Variants in ARHGEF3 observed in about 807,000 individuals in gnomAD.
The protein encoded by ARHGEF3 is 59.8 kDA protein.
In ARHGEF3, 28 loss-of-function variants were observed where a neutral mutation model predicts 63.2. The ratio of observed to expected loss-of-function variants is 0.44; its 90% CI spans 0.33 to 0.61. The LOEUF is 0.61. Ranked by LOEUF, ARHGEF3 falls within the 20% of genes least tolerant of loss-of-function variation. ARHGEF3 has a pLI of 0.03. For missense variants in ARHGEF3, 533 were observed against 659.3 expected (o/e 0.81, Z 2.10); for synonymous variants, 266 against 254.2 (o/e 1.05, Z -0.44).
chr3:56,777,926 C>T (rs2036362403), intron 1 of ARHGEF3, among the ~76,000 whole-genome samples: 1 of 152,166 alleles, frequency 6.6e-6, no homozygotes, highest in Non-Finnish European at 1.5e-5. Context: ...TACTCTTACC[C>T]ATGAGTTGAT....
In ARHGEF3 at chr3:56,751,425, A is replaced by G. The variant is rs900507422; in HGVS notation, c.439-29T>C. ...CACAAAAACGGCAAGAGATGGAAGC[A>G]CATGTTTAAAATCAGAGGAAGTACA... On this transcript the variant is annotated intron_variant, in intron 4 of 9. Transcript: ENST00000296315. 4 of 1,570,804 alleles carry G rather than the reference A, an allele frequency of 2.5e-6. No homozygotes were observed. The African/African-American group carries it at 5.4e-5, about 21-fold the overall frequency.
At chr3:56,771,458 C>T (rs946410097) in intron 2 of ARHGEF3, among the ~76,000 whole-genome samples, 14 of 152,246 alleles carry the variant, frequency 9.2e-5, no homozygotes, top group African/African-American at 2.6e-4. Context: ...TCTTCCTAGG[C>T]CCAGGAGCAC....
intron 3 of ARHGEF3, among the ~76,000 whole-genome samples, chr3:56,934,628 G>A (rs1046711824): frequency 5.3e-5 from 8 of 152,346 alleles, no homozygotes; most frequent in African/African-American, 1.9e-4. Context: ...TGCGGAGGGT[G>A]TACTGGGTCC....
At chr3:57,001,113 A>AT (rs1553802050) in intron 2 of ARHGEF3, among the ~76,000 whole-genome samples, 1 of 150,506 alleles carries the variant, frequency 6.6e-6, no homozygotes, top group Non-Finnish European at 1.5e-5. Context: ...CTAAATTTTA[A>AT]TTTTTTTGTA....
At chr3:56,802,068 G>A, upstream of ARHGEF3, 1 of 1,259,762 alleles carries the variant, frequency 7.9e-7, no homozygotes, top group African/African-American at 1.6e-5. Flanking sequence ...CCGCAGCGCG[G>A]ACACCTCCTG....
chr3:57,014,790 C>T (rs1420111760), intron 2 of ARHGEF3, among the ~76,000 whole-genome samples: 1 of 151,888 alleles, frequency 6.6e-6, no homozygotes, highest in Non-Finnish European at 1.5e-5. Flanking sequence ...AGGCCATTGT[C>T]CTGCCTCAGC....
chr3:57,051,962 CAA>C (rs35569376), intron 1 of ARHGEF3, among the ~76,000 whole-genome samples: 3 of 143,028 alleles, frequency 2.1e-5, no homozygotes, highest in African/African-American at 7.7e-5. Context: ...GAGTCTGCCT[CAA>C]AAAAAAAAAA....
At chr3:56,962,225 T>C (rs1700310528) in intron 2 of ARHGEF3, among the ~76,000 whole-genome samples, 2 of 152,140 alleles carry the variant, frequency 1.3e-5, no homozygotes, top group African/African-American at 4.8e-5. Context: ...CCTAGCAGCA[T>C]AAAGTGCACC....
intron 1 of ARHGEF3, among the ~76,000 whole-genome samples, chr3:56,784,344 C>T (rs1337417903): frequency 1.3e-5 from 2 of 152,186 alleles, no homozygotes; most frequent in African/African-American, 4.8e-5. Context: ...TATAATGCCA[C>T]ACCCATCCGC....
chr3:56,886,555 C>A (rs1362020329), intron 3 of ARHGEF3, among the ~76,000 whole-genome samples: 1 of 152,174 alleles, frequency 6.6e-6, no homozygotes, highest in Non-Finnish European at 1.5e-5. Flanking sequence ...AAATAAGCCA[C>A]GGAAACATAA....
At chr3:56,877,078 T>C (rs1173951337) in intron 4 of ARHGEF3, among the ~76,000 whole-genome samples, 1 of 152,228 alleles carries the variant, frequency 6.6e-6, no homozygotes, top group Non-Finnish European at 1.5e-5. Flanking sequence ...TATTCAGAGA[T>C]TGTAAAAATA....
chr3:56,742,688 C>T (rs941095422), intron 7 of ARHGEF3, among the ~76,000 whole-genome samples: 1 of 152,080 alleles, frequency 6.6e-6, no homozygotes, highest in African/African-American at 2.4e-5. Context: ...AAATCCTGTG[C>T]GTATACTGTG....
At chr3:56,792,753 C>A (rs553012997) in intron 1 of ARHGEF3, among the ~76,000 whole-genome samples, 1 of 152,118 alleles carries the variant, frequency 6.6e-6, no homozygotes, top group African/African-American at 2.4e-5. Context: ...TAGAATACTA[C>A]GCCCAAAGAT....
chr3:56,874,919 G>A (rs535137398), intron 4 of ARHGEF3, among the ~76,000 whole-genome samples: 2 of 152,238 alleles, frequency 1.3e-5, no homozygotes, highest in Admixed American at 6.5e-5. Context: ...TCACAGGACC[G>A]TACCACTGTG....
At chr3:56,856,102 G>A (rs375464243) in intron 4 of ARHGEF3, among the ~76,000 whole-genome samples, 1 of 152,312 alleles carries the variant, frequency 6.6e-6, no homozygotes, top group African/African-American at 2.4e-5. Context: ...CCTGGCCAGT[G>A]GTGGACGAGA....
At chr3:56,970,679 T>C (rs916015491) in intron 2 of ARHGEF3, among the ~76,000 whole-genome samples, 1 of 152,234 alleles carries the variant, frequency 6.6e-6, no homozygotes, top group African/African-American at 2.4e-5. Flanking sequence ...GTTCCCCTTC[T>C]GTATTTTAGC....
chr3:56,988,145 T>C (rs970919548), intron 2 of ARHGEF3, among the ~76,000 whole-genome samples: 3 of 152,168 alleles, frequency 2.0e-5, no homozygotes, highest in African/African-American at 7.2e-5. Flanking sequence ...TTGTGTTTTG[T>C]TTTTGTTTGT....
At chr3:56,742,501 A>C (rs138503838) in intron 7 of ARHGEF3, among the ~76,000 whole-genome samples, 139 of 152,130 alleles carry the variant, frequency 9.1e-4, no homozygotes, top group Non-Finnish European at 1.5e-3. Context: ...GCGCTCTCTG[A>C]TTTTTCCCTT....
intron 1 of ARHGEF3, among the ~76,000 whole-genome samples, chr3:57,052,595 CCAGAG>C (rs1371938507): frequency 1.3e-5 from 2 of 152,176 alleles, no homozygotes; most frequent in African/African-American, 4.8e-5. Flanking sequence ...CCCCACTCAG[CCAGAG>C]CCTACATTCT....
Sources: allele counts gnomAD v4.1 joint callset (sites outside exome capture counted in the v4.1 genomes callset), GRCh38; gene constraint gnomAD v4.1.1; transcripts MANE v1.5; gene names NCBI Gene and HGNC (gene_info 2026-07-23, HGNC 2026-07-21).